Variants in DLG2 observed in about 807,000 individuals in gnomAD.
DLG2 encodes disks large homolog 2.
In DLG2, 45 loss-of-function variants were observed where a neutral mutation model predicts 132.5. That is an observed-to-expected ratio of 0.34 (90% CI 0.27 to 0.44). The LOEUF is 0.44. Ranked by LOEUF, DLG2 falls within the 20% of genes least tolerant of loss-of-function variation. The pLI, the probability that DLG2 is intolerant of heterozygous loss-of-function variation, is 1.00. For missense variants in DLG2, 1,045 were observed against 1,196.9 expected, an observed-to-expected ratio of 0.87 and a Z score of 1.87; for synonymous variants, 424 against 419.6, an observed-to-expected ratio of 1.01 and a Z score of -0.13.
intron 4 of DLG2, among the ~76,000 whole-genome samples, chr11:85,178,571 C>T (rs1436958683): frequency 6.6e-6 from 1 of 151,492 alleles, no homozygotes; most frequent in Admixed American, 6.6e-5. Flanking sequence ...AAAAGATCTT[C>T]AATAAACAGA....
At chr11:85,442,758 T>C (rs1222210214) in intron 3 of DLG2, among the ~76,000 whole-genome samples, 9 of 152,058 alleles carry the variant, frequency 5.9e-5, no homozygotes, top group Admixed American at 5.9e-4. Flanking sequence ...GGCATGTACC[T>C]GTAGTCCCAG....
intron 6 of DLG2, among the ~76,000 whole-genome samples, chr11:84,795,289 G>A (rs2074422407): frequency 6.6e-6 from 1 of 151,498 alleles, no homozygotes; most frequent in African/African-American, 2.4e-5. Flanking sequence ...AGCTTCCCAA[G>A]GTGAGTCTCT....
At chr11:84,827,866 G>C (rs894045896) in intron 6 of DLG2, among the ~76,000 whole-genome samples, 3 of 151,422 alleles carry the variant, frequency 2.0e-5, no homozygotes, top group African/African-American at 7.3e-5. Context: ...GACAAATATT[G>C]CATGTTCTCA....
At position 84,690,710 on chromosome 11, in the gene DLG2, G is replaced by A. The variant is rs554751136; in HGVS notation, c.358-155979C>T. Among the ~76,000 whole-genome samples, 10 of 151,964 alleles carry A rather than the reference G, an allele frequency of 6.6e-5. No homozygotes were observed. The South Asian group carries it at 2.1e-3, about 32-fold the overall frequency. On this transcript the variant is annotated intron_variant, in intron 6 of 27. Coordinates refer to ENST00000376104, the MANE Select transcript of DLG2 (RefSeq NM_001142699.3). ...CTTATACTAATTATGTGAGTTAGGT[G>A]TTATCATCACAACAATATTCATTTA...
intron 7 of DLG2, among the ~76,000 whole-genome samples, chr11:84,277,661 G>GA (rs1366819248): frequency 1.3e-5 from 2 of 150,816 alleles, no homozygotes; most frequent in African/African-American, 2.4e-5. Flanking sequence ...TCTTTCACGA[G>GA]AAAAAAAATA....
intron 4 of DLG2, among the ~76,000 whole-genome samples, chr11:85,214,676 T>C (rs1446807843): frequency 1.3e-5 from 2 of 152,204 alleles, no homozygotes; most frequent in Non-Finnish European, 2.9e-5. Flanking sequence ...CAAGACTACT[T>C]AGCTTCAGGT....
At chr11:84,341,583 C>T (rs2098514947) in intron 7 of DLG2, among the ~76,000 whole-genome samples, 1 of 152,196 alleles carries the variant, frequency 6.6e-6, no homozygotes, top group African/African-American at 2.4e-5. Flanking sequence ...GAAAATTCCC[C>T]ACTATGTCCC....
At chr11:84,259,788 A>G (rs910537926) in intron 7 of DLG2, among the ~76,000 whole-genome samples, 1 of 152,182 alleles carries the variant, frequency 6.6e-6, no homozygotes, top group Non-Finnish European at 1.5e-5. Flanking sequence ...TCACTTTCAG[A>G]TAACAAAACT....
At chr11:83,873,129 G>A (rs1002725380) in intron 16 of DLG2, among the ~76,000 whole-genome samples, 5 of 152,116 alleles carry the variant, frequency 3.3e-5, no homozygotes, top group Admixed American at 1.3e-4. Context: ...CATTATAGAG[G>A]ACAGAGCCAC....
intron 9 of DLG2, among the ~76,000 whole-genome samples, chr11:84,106,310 A>G (rs2092908599): frequency 6.6e-6 from 1 of 152,118 alleles, no homozygotes; most frequent in African/African-American, 2.4e-5. Flanking sequence ...AAAATTATTT[A>G]AAGTCTTTCT....
At chr11:84,241,645 C>T (rs2097227668) in intron 8 of DLG2, among the ~76,000 whole-genome samples, 1 of 151,994 alleles carries the variant, frequency 6.6e-6, no homozygotes. Flanking sequence ...CAGATTCATG[C>T]TAAATGTCTG....
chr11:83,497,095 G>A (rs1210334376), intron 21 of DLG2, among the ~76,000 whole-genome samples: 1 of 152,138 alleles, frequency 6.6e-6, no homozygotes, highest in African/African-American at 2.4e-5. Flanking sequence ...AGCATGACAG[G>A]TACTCAATAC....
chr11:85,545,505 A>G (rs923217643), intron 3 of DLG2, among the ~76,000 whole-genome samples: 7 of 152,144 alleles, frequency 4.6e-5, no homozygotes, highest in Admixed American at 3.9e-4. Flanking sequence ...GGCCTCATGA[A>G]GTGAGTTAGG....
chr11:83,545,998 T>C (rs2096232180), intron 19 of DLG2, among the ~76,000 whole-genome samples: 1 of 152,176 alleles, frequency 6.6e-6, no homozygotes, highest in Non-Finnish European at 1.5e-5. Context: ...CCATTAAGAC[T>C]CACACTTTCC....
chr11:85,049,845 G>A (rs2062719787), intron 6 of DLG2, among the ~76,000 whole-genome samples: 1 of 151,994 alleles, frequency 6.6e-6, no homozygotes, highest in Non-Finnish European at 1.5e-5. Flanking sequence ...AAATGATGGG[G>A]AAAATATAGT....
chr11:83,743,966 G>C (rs768752023), intron 18 of DLG2, among the ~76,000 whole-genome samples: 4 of 152,248 alleles, frequency 2.6e-5, no homozygotes, highest in Middle Eastern at 6.8e-3. Context: ...ACAGAGGCTG[G>C]AAAATGAAAA....
At chr11:83,565,074 C>G (rs1314158539) in intron 19 of DLG2, among the ~76,000 whole-genome samples, 1 of 152,186 alleles carries the variant, frequency 6.6e-6, no homozygotes, top group African/African-American at 2.4e-5. Context: ...TGTTGCCATT[C>G]ACTAGCATAG....
At chr11:84,056,887 C>T (rs2096510884) in intron 11 of DLG2, among the ~76,000 whole-genome samples, 1 of 152,130 alleles carries the variant, frequency 6.6e-6, no homozygotes, top group Non-Finnish European at 1.5e-5. Context: ...AGCATAACCG[C>T]AACAGGCCCA....
At chr11:84,498,315 A>C (rs973212576) in intron 7 of DLG2, among the ~76,000 whole-genome samples, 3 of 152,164 alleles carry the variant, frequency 2.0e-5, no homozygotes, top group Non-Finnish European at 4.4e-5. Flanking sequence ...TTACTTATTC[A>C]GTCAATCCAA....
Sources: allele counts gnomAD v4.1 joint callset (sites outside exome capture counted in the v4.1 genomes callset), GRCh38; gene constraint gnomAD v4.1.1; transcripts MANE v1.5; gene names NCBI Gene and HGNC (gene_info 2026-07-23, HGNC 2026-07-21).